ARMC9: variants seen among roughly 807,000 people sequenced by gnomAD.
ARMC9 encodes the protein armadillo repeat containing 9, also known as lisH domain-containing protein ARMC9.
A neutral mutation model predicts 107.0 loss-of-function variants in ARMC9; 94 were observed. The ratio of observed to expected loss-of-function variants is 0.88; its 90% CI spans 0.74 to 1.04. The LOEUF is 1.04. Among genes scored for constraint, ARMC9 ranks in the 50% least tolerant of loss-of-function variants. The pLI, the probability that ARMC9 is intolerant of heterozygous loss-of-function variation, is 0.00. For synonymous variants in ARMC9, 380 were observed against 396.9 expected (o/e 0.96, Z 0.51); for missense variants, 942 against 1,030.1 (o/e 0.91, Z 1.17).
intron 5 of ARMC9, among the ~76,000 whole-genome samples, chr2:231,219,015 G>A (rs1384631643): frequency 6.6e-6 from 1 of 152,088 alleles, no homozygotes; most frequent in Non-Finnish European, 1.5e-5. Context: ...GCCTCCCAAA[G>A]TGCTAGGATT....
At chr2:231,240,577 TTATA>T (rs557711459) in intron 9 of ARMC9, among the ~76,000 whole-genome samples, 1 of 152,178 alleles carries the variant, frequency 6.6e-6, no homozygotes, top group Non-Finnish European at 1.5e-5. Flanking sequence ...TGAGGATAAA[TTATA>T]TATATTATGA....
chr2:231,257,842 A>T (rs1385588455), intron 10 of ARMC9, among the ~76,000 whole-genome samples: 1 of 152,206 alleles, frequency 6.6e-6, no homozygotes, highest in Non-Finnish European at 1.5e-5. Context: ...TGCAAACCTC[A>T]TTTAGTCTCA....
In ARMC9 at chr2:231,204,552, A is replaced by G. The variant is rs532744456; in HGVS notation, c.-41-1646A>G. On this transcript the variant is annotated intron_variant, in intron 1 of 24. Transcript: ENST00000611582. ...CTTGCGCTGTTTTCTTCATGTCTGGAATCAATTTCCACTCCGTCCATGTTT... is the reference window on the plus strand; with the variant it reads ...CTTGCGCTGTTTTCTTCATGTCTGGGATCAATTTCCACTCCGTCCATGTTT... Among the ~76,000 whole-genome samples, 35 of 152,130 alleles carry G rather than the reference A, an allele frequency of 2.3e-4. 1 individual carries two copies. The South Asian group carries it at 7.3e-3, about 32-fold the overall frequency.
At chr2:231,204,811 T>G (rs2031711765) in intron 1 of ARMC9, among the ~76,000 whole-genome samples, 1 of 151,980 alleles carries the variant, frequency 6.6e-6, no homozygotes, top group Non-Finnish European at 1.5e-5. Context: ...GTGCTTTGGG[T>G]GTTCAGTGGG....
chr2:231,363,461 A>G (rs1295605425), intron 23 of ARMC9, among the ~76,000 whole-genome samples: 2 of 152,190 alleles, frequency 1.3e-5, no homozygotes, highest in Non-Finnish European at 2.9e-5. Flanking sequence ...GGTCAGTGGT[A>G]GACTGAATGA....
chr2:231,254,246 A>C (rs1228199354), intron 9 of ARMC9, among the ~76,000 whole-genome samples: 3 of 152,228 alleles, frequency 2.0e-5, no homozygotes, highest in Non-Finnish European at 4.4e-5. Context: ...AGCAAGACTG[A>C]AATCCATGAA....
At chr2:231,336,799 C>T (rs2044120293) in intron 20 of ARMC9, among the ~76,000 whole-genome samples, 1 of 152,200 alleles carries the variant, frequency 6.6e-6, no homozygotes, top group Non-Finnish European at 1.5e-5. Flanking sequence ...TAAAGTGGTT[C>T]TGAAGCAGGA....
rs779340785 is a variant in ARMC9, at chr2:231,262,275, G to A, written c.1027-31G>A. 1.9e-6 allele frequency: 3 copies of A among 1,604,140 alleles called. No individual in the cohort carries two copies. In the South Asian group the frequency reaches 3.3e-5, roughly 18 times the overall value. ...AACTTTTCTCCATGATAAGACTTAGGTCTCACTACTTTTGTTTTTCTTTGC... is the reference window on the plus strand; with the variant it reads ...AACTTTTCTCCATGATAAGACTTAGATCTCACTACTTTTGTTTTTCTTTGC... On this transcript the variant is annotated intron_variant, in intron 11 of 24. Coordinates refer to ENST00000611582, the MANE Select transcript of ARMC9 (RefSeq NM_001352754.2).
chr2:231,259,101 G>A lies in ARMC9; in HGVS notation c.1025G>A (p.Trp342Ter). 1 of 1,611,062 alleles carries A rather than the reference G, an allele frequency of 6.2e-7. No individual in the cohort carries two copies. Among genetic ancestry groups the A allele is most frequent in the Non-Finnish European group, 8.5e-7 (1 of 1,177,558 alleles). The stretch of plus-strand genomic sequence containing the variant: ...GCCTTCTTGTTGCAGGCTCTGCGCT[G>A]GGTAGGTACCTTTGTCTTAAAGTTA... Reference protein sequence around the residue: ...LKAFLLQALRWRLTTSHPGEQ... With the variant: ...LKAFLLQALR The change falls in exon 11 of 25, where the codon TGG (tryptophan) becomes TAG (stop). Residue 342 changes from tryptophan to a stop codon, truncating the protein, a stop_gained and splice_region_variant. Coordinates refer to ENST00000611582, the MANE Select transcript of ARMC9 (RefSeq NM_001352754.2). LOFTEE classifies it high-confidence loss of function.
At chr2:231,287,463 G>A (rs766623633) in intron 17 of ARMC9, among the ~76,000 whole-genome samples, 1 of 152,192 alleles carries the variant, frequency 6.6e-6, no homozygotes, top group Admixed American at 6.5e-5. Context: ...TCAGCCACAG[G>A]TGTCACAGTT....
At chr2:231,201,129 T>C (rs2030868053) in intron 1 of ARMC9, among the ~76,000 whole-genome samples, 2 of 152,170 alleles carry the variant, frequency 1.3e-5, no homozygotes, top group African/African-American at 4.8e-5. Context: ...AGAAAAAGGC[T>C]GGAGAGGTGG....
At chr2:231,313,645 G>A (rs1257180211) in intron 19 of ARMC9, among the ~76,000 whole-genome samples, 1 of 151,964 alleles carries the variant, frequency 6.6e-6, no homozygotes, top group Non-Finnish European at 1.5e-5. Flanking sequence ...CCCTTGCCTG[G>A]GTCCCCCACC....
intron 14 of ARMC9, among the ~76,000 whole-genome samples, chr2:231,275,596 T>A (rs749801898): frequency 6.6e-6 from 1 of 152,234 alleles, no homozygotes; most frequent in Non-Finnish European, 1.5e-5. Context: ...TTGCTCCTCC[T>A]TGTTTTCTTT....
chr2:231,296,253 A>C lies in ARMC9; in HGVS notation c.1773A>C (p.Glu591Asp), dbSNP rs1182753992. ...ATGATGATGAAGATGAAGATGATGA[A>C]GTAAGTTGGAGGTTCTTGACACCAC... ...ESDDDEDEDDEEDHDIMEADL... is the reference protein window; with the variant it reads ...ESDDDEDEDDDEDHDIMEADL... The change falls in exon 19 of 25, where the codon GAA becomes GAC. Residue 591 changes from glutamate to aspartate, a missense_variant and splice_region_variant. Physicochemically the swap from Glu to Asp is conservative, Grantham distance 45. Transcript: ENST00000611582. 3 of 1,612,926 alleles carry C rather than the reference A, an allele frequency of 1.9e-6. No homozygotes were observed. The East Asian group carries it at 6.7e-5, about 36-fold the overall frequency.
Position 231,375,893 on chromosome 2 carries a change from C to T in ARMC9, c.*4358C>T, listed in dbSNP as rs765803013. Among the ~76,000 whole-genome samples the T allele has an allele frequency of 5.9e-5, 9 of 152,226 alleles. No homozygotes were observed. The highest frequency in any genetic ancestry group is 4.2e-4 in the South Asian group (2 of 4,814). The stretch of plus-strand genomic sequence containing the variant: ...GTTGTGGGAAGTCAGGGACCCCAAA[C>T]GGAGGGACTGGCTGAAGCCATGACA... On this transcript the variant is annotated 3_prime_UTR_variant, in exon 25 of 25. Transcript: ENST00000611582. The surrounding 1 kb of genome is among the most constrained non-coding windows in gnomAD (Gnocchi z 4.3).
intron 4 of ARMC9, chr2:231,215,408 G>A (rs2033390096): frequency 6.3e-6 from 1 of 157,562 alleles, no homozygotes; most frequent in African/African-American, 2.4e-5. Flanking sequence ...GGCTGGTCTT[G>A]AACTCCTGGG....
intron 9 of ARMC9, among the ~76,000 whole-genome samples, chr2:231,246,657 C>T (rs1361582670): frequency 6.6e-6 from 1 of 152,138 alleles, no homozygotes. Flanking sequence ...ATAGTGCTGC[C>T]ATGAACATAT....
At chr2:231,277,779 T>G (rs1401335401) in intron 15 of ARMC9, among the ~76,000 whole-genome samples, 1 of 152,062 alleles carries the variant, frequency 6.6e-6, no homozygotes, top group African/African-American at 2.4e-5. Context: ...GCAAGGCTGA[T>G]CTTGAACTCC....
intron 12 of ARMC9, among the ~76,000 whole-genome samples, chr2:231,262,892 C>G (rs1046371748): frequency 1.2e-4 from 18 of 152,152 alleles, no homozygotes; most frequent in Non-Finnish European, 2.2e-4. Context: ...GCCAGGTCAC[C>G]GTAAGCAAGT....
Sources: gnomAD v4.1 joint callset for allele counts (sites outside exome capture counted in the v4.1 genomes callset) on GRCh38, gnomAD v4.1.1 for gene constraint, Gnocchi (gnomAD v3.1) non-coding constraint, MANE v1.5 for transcripts, NCBI Gene and HGNC (gene_info 2026-07-23, HGNC 2026-07-21) for gene names.